Variants in HS3ST3B1 observed in about 807,000 individuals in gnomAD.
HS3ST3B1 encodes heparan sulfate-glucosamine 3-sulfotransferase 3B1.
In HS3ST3B1, 13 loss-of-function variants were observed where a neutral mutation model predicts 21.3. That is an observed-to-expected ratio of 0.61 (90% CI 0.40 to 0.97). The LOEUF is 0.97. HS3ST3B1 is among the 50% of genes least tolerant of loss of function. HS3ST3B1 has a pLI of 0.00. For synonymous variants in HS3ST3B1, 234 were observed against 254.8 expected (o/e 0.92, Z 0.78); for missense variants, 459 against 554.8 (o/e 0.83, Z 1.73).
chr17:14,322,939 C>T lies in HS3ST3B1; in HGVS notation c.554+20867C>T, dbSNP rs145525125. 7.6e-3 allele frequency among the ~76,000 whole-genome samples: 1,128 copies of T among 148,330 alleles called. 15 individuals carry two copies. The highest frequency in any genetic ancestry group is 0.027 in the African/African-American group (1,065 of 39,514). On this transcript the variant is annotated intron_variant, in intron 1 of 1. Coordinates refer to ENST00000360954, the MANE Select transcript of HS3ST3B1 (RefSeq NM_006041.3). The stretch of plus-strand genomic sequence containing the variant: ...TTTTTTTGTTGAGACAGAGTCTCAC[C>T]CTGTAACCCAGACTGGAGTGCAATG...
intron 1 of HS3ST3B1, among the ~76,000 whole-genome samples, chr17:14,318,163 G>A (rs1909556187): frequency 6.6e-6 from 1 of 152,106 alleles, no homozygotes; most frequent in African/African-American, 2.4e-5. Flanking sequence ...GGGAAAGAGA[G>A]CCATTCTTCT....
At chr17:14,325,721 G>T (rs557662848) in intron 1 of HS3ST3B1, among the ~76,000 whole-genome samples, 2 of 152,086 alleles carry the variant, frequency 1.3e-5, no homozygotes, top group African/African-American at 4.8e-5. Flanking sequence ...GTAGGCTCGC[G>T]GAGTTTATAA....
At chr17:14,329,367 A>AAGAAAAGGAAGGAAGGAAGG (rs1555549453) in intron 1 of HS3ST3B1, 79 of 106,200 alleles carry the variant, frequency 7.4e-4, no homozygotes, top group Middle Eastern at 9.4e-3. Context: ...GAAAGAAAGA[A>AAGAAAAGGAAGGAAGGAAGG]AAGGAAGGAA....
At position 14,324,872 on chromosome 17, in the gene HS3ST3B1, C is replaced by T. The variant is rs950042063; in HGVS notation, c.555-20156C>T. Among the ~76,000 whole-genome samples, 7 of 152,144 alleles carry T rather than the reference C, an allele frequency of 4.6e-5. No individual in the cohort carries two copies. In the East Asian group the frequency reaches 1.2e-3, roughly 25 times the overall value. On this transcript the variant is annotated intron_variant, in intron 1 of 1. Transcript: ENST00000360954. The stretch of plus-strand genomic sequence containing the variant: ...CAAGCAATCCTCCCATCTTGGCCTT[C>T]CAAGGTGCCAGAATCATAGGTGTGA...
intron 1 of HS3ST3B1, among the ~76,000 whole-genome samples, chr17:14,325,384 G>T (rs1199812943): frequency 6.6e-6 from 1 of 152,200 alleles, no homozygotes; most frequent in Non-Finnish European, 1.5e-5. Flanking sequence ...GAAGTCAAAA[G>T]AATACAAATT....
intron 1 of HS3ST3B1, among the ~76,000 whole-genome samples, chr17:14,340,295 C>T (rs1235973158): frequency 6.6e-6 from 1 of 152,146 alleles, no homozygotes; most frequent in Admixed American, 6.5e-5. Context: ...CTCCACCAGC[C>T]CCCAGGTGAT....
At chr17:14,304,695 G>C (rs1909072203) in intron 1 of HS3ST3B1, 1 of 152,232 alleles carries the variant, frequency 6.6e-6, no homozygotes, top group African/African-American at 2.4e-5. Flanking sequence ...TGTCCCTGCA[G>C]TCAGGCAACC....
chr17:14,338,562 C>T (rs1910268338), intron 1 of HS3ST3B1, among the ~76,000 whole-genome samples: 1 of 151,748 alleles, frequency 6.6e-6, no homozygotes. Flanking sequence ...CCTGCCTCAG[C>T]CTCCCAAGTA....
At chr17:14,330,309 A>G (rs1205817311) in intron 1 of HS3ST3B1, among the ~76,000 whole-genome samples, 1 of 151,902 alleles carries the variant, frequency 6.6e-6, no homozygotes, top group Non-Finnish European at 1.5e-5. Context: ...GTATGTGGGG[A>G]GGGGTGGGAG....
chr17:14,338,416 G>A (rs1380963794), intron 1 of HS3ST3B1, among the ~76,000 whole-genome samples: 1 of 151,276 alleles, frequency 6.6e-6, no homozygotes. Context: ...GAGCCAACAC[G>A]CCCAGCCCAT....
chr17:14,336,229 A>T (rs1245478592), intron 1 of HS3ST3B1, among the ~76,000 whole-genome samples: 1 of 152,160 alleles, frequency 6.6e-6, no homozygotes, highest in Non-Finnish European at 1.5e-5. Flanking sequence ...ATTTCCAGGC[A>T]TCTGTTTGCC....
At chr17:14,305,685 C>T (rs546782057) in intron 1 of HS3ST3B1, among the ~76,000 whole-genome samples, 31 of 152,238 alleles carry the variant, frequency 2.0e-4, no homozygotes, top group East Asian at 1.7e-3. Context: ...TTCCATTCTG[C>T]GTTATACAAA....
At chr17:14,302,795 C>A (rs1285175034) in intron 1 of HS3ST3B1, among the ~76,000 whole-genome samples, 1 of 152,162 alleles carries the variant, frequency 6.6e-6, no homozygotes, top group Non-Finnish European at 1.5e-5. Context: ...TGAAGGCGTC[C>A]GGGCCTCCGG....
chr17:14,337,863 A>G (rs1910235284), intron 1 of HS3ST3B1, among the ~76,000 whole-genome samples: 1 of 151,868 alleles, frequency 6.6e-6, no homozygotes, highest in Middle Eastern at 3.4e-3. Context: ...CTATACCCAC[A>G]TAGTATCTCC....
intron 1 of HS3ST3B1, among the ~76,000 whole-genome samples, chr17:14,337,293 G>T (rs192997257): frequency 1.3e-5 from 2 of 150,576 alleles, no homozygotes; most frequent in African/African-American, 4.9e-5. Context: ...GGGTGTGTGT[G>T]TGTGTGTTTA....
intron 1 of HS3ST3B1, among the ~76,000 whole-genome samples, chr17:14,306,048 T>A (rs1909128349): frequency 6.6e-6 from 1 of 152,204 alleles, no homozygotes; most frequent in Non-Finnish European, 1.5e-5. Context: ...TGAAGCAAGA[T>A]ATTTATCATA....
intron 1 of HS3ST3B1, among the ~76,000 whole-genome samples, chr17:14,340,636 G>T (rs1396726356): frequency 6.6e-6 from 1 of 152,076 alleles, no homozygotes; most frequent in Non-Finnish European, 1.5e-5. Context: ...AGGATGGAGT[G>T]CAGTGGCGCG....
chr17:14,311,021 T>C (rs1278605963), intron 1 of HS3ST3B1, among the ~76,000 whole-genome samples: 1 of 152,148 alleles, frequency 6.6e-6, no homozygotes, highest in African/African-American at 2.4e-5. Context: ...TTAAAATCCT[T>C]TTCTATAGTC....
intron 1 of HS3ST3B1, among the ~76,000 whole-genome samples, chr17:14,324,513 G>T (rs1399941008): frequency 6.6e-6 from 1 of 152,130 alleles, no homozygotes; most frequent in Non-Finnish European, 1.5e-5. Flanking sequence ...AGCTTCCTGA[G>T]TAGCAAAATG....
Sources: allele counts gnomAD v4.1 joint callset (sites outside exome capture counted in the v4.1 genomes callset), GRCh38; gene constraint gnomAD v4.1.1; transcripts MANE v1.5; gene names NCBI Gene and HGNC (gene_info 2026-07-23, HGNC 2026-07-21).